Variants in TFDP2 observed in about 807,000 individuals in gnomAD.
The protein encoded by TFDP2 is transcription factor Dp-2 (E2F dimerization partner 2).
Under a neutral mutation model 59.3 loss-of-function variants are expected in TFDP2, and 17 were observed. That is an observed-to-expected ratio of 0.29 (90% confidence interval 0.20 to 0.43). The LOEUF is 0.43. Among genes scored for constraint, TFDP2 ranks in the 20% least tolerant of loss-of-function variants. The pLI is 1.00. For synonymous variants in TFDP2, 180 were observed against 194.7 expected (o/e 0.92, Z 0.63); for missense variants, 391 against 528.8 (o/e 0.74, Z 2.56).
chr3:142,133,623 A>ACAT (rs2062597680), intron 1 of TFDP2, among the ~76,000 whole-genome samples: 1 of 140,646 alleles, frequency 7.1e-6, no homozygotes, highest in African/African-American at 3.2e-5. Flanking sequence ...TCAGCCTCCT[A>ACAT]GGTATCTGGG....
chr3:141,978,496 A>G (rs754476111), intron 7 of TFDP2, 24 bp downstream of exon 7: 5 of 1,595,624 alleles, frequency 3.1e-6, no homozygotes, highest in Non-Finnish European at 3.4e-6. Flanking sequence ...ATCAAAATCA[A>G]TGTCAGGTTC....
At position 141,945,643 on chromosome 3, in the gene TFDP2, A is replaced by G. The variant is rs1159496179; in HGVS notation, c.*6870T>C. The G allele has an allele frequency of 2.6e-5, 4 of 152,244 alleles. No homozygotes were observed. The highest frequency in any genetic ancestry group is 5.9e-5 in the Non-Finnish European group (4 of 68,050). 9.4% of individuals were successfully genotyped at this position (152,244 alleles called of 1,614,324 possible). On this transcript the variant is annotated 3_prime_UTR_variant, in exon 13 of 13. Coordinates refer to ENST00000489671, the MANE Select transcript of TFDP2 (RefSeq NM_001178139.2). ...TGCAACAAGCCCAGAGGAGCTATTC[A>G]GGAGAAAAGTAGCCCCATTGTCAGT... is the stretch of plus-strand genomic sequence containing the variant.
At chr3:142,111,738 G>A (rs1200605119) in intron 1 of TFDP2, among the ~76,000 whole-genome samples, 2 of 152,032 alleles carry the variant, frequency 1.3e-5, no homozygotes, top group African/African-American at 2.4e-5. Flanking sequence ...GAGGTAGGAA[G>A]CCAGACCATG....
In TFDP2 at chr3:141,970,190, A is replaced by G. The variant is rs188186521; in HGVS notation, c.664-49T>C. 2.5e-4 allele frequency: 386 copies of G among 1,563,660 alleles called. No homozygotes were observed. The African/African-American group carries it at 4.7e-3, about 19-fold the overall frequency. Reference sequence around the variant, plus strand: ...AATATGAACATAGGTAGACTATAAAATATCGTTCACTTTCCAGGTCCCTAT... The same window carrying G: ...AATATGAACATAGGTAGACTATAAAGTATCGTTCACTTTCCAGGTCCCTAT... On this transcript the variant is annotated intron_variant, in intron 8 of 12. Transcript: ENST00000489671.
At chr3:141,974,864 C>A (rs1159712260) in intron 7 of TFDP2, among the ~76,000 whole-genome samples, 2 of 149,188 alleles carry the variant, frequency 1.3e-5, no homozygotes, top group Non-Finnish European at 3.0e-5. Flanking sequence ...CTCTATATGA[C>A]AAGGGACACT....
Position 141,947,650 on chromosome 3 carries a change from T to C in TFDP2, c.*4863A>G, listed in dbSNP as rs1371361290. ...GGAAAGTAGTGAATCTTTGTGACAA[T>C]CTTCTCTTGGTTTACAGAAATTGCT... On this transcript the variant is annotated 3_prime_UTR_variant, in exon 13 of 13. Coordinates refer to ENST00000489671, the MANE Select transcript of TFDP2 (RefSeq NM_001178139.2). 4 of 152,320 alleles carry C rather than the reference T, an allele frequency of 2.6e-5. No individual in the cohort carries two copies. The highest frequency in any genetic ancestry group is 7.2e-5 in the African/African-American group (3 of 41,572). The allele number at this position is 152,320 out of a possible 1,614,324, so 9.4% of individuals were successfully genotyped here.
intron 4 of TFDP2, among the ~76,000 whole-genome samples, chr3:141,997,760 C>G (rs6440056): frequency 1 from 150,605 of 151,052 alleles, 75,080 homozygotes; most frequent in East Asian, 1. Context: ...TGAGGCAGGA[C>G]AATCACTTGA....
chr3:142,074,226 T>C (rs954457456), intron 3 of TFDP2, among the ~76,000 whole-genome samples: 1 of 150,500 alleles, frequency 6.6e-6, no homozygotes, highest in Admixed American at 6.6e-5. Context: ...CTGGCCAACA[T>C]GGTAAAACCC....
At chr3:141,958,542 G>A (rs1399397029) in intron 11 of TFDP2, among the ~76,000 whole-genome samples, 1 of 152,120 alleles carries the variant, frequency 6.6e-6, no homozygotes, top group Non-Finnish European at 1.5e-5. Flanking sequence ...TTTGAGGGGT[G>A]GGAAAGGGCA....
chr3:142,100,094 C>A (rs1420874473), intron 2 of TFDP2, among the ~76,000 whole-genome samples: 1 of 152,168 alleles, frequency 6.6e-6, no homozygotes, highest in Non-Finnish European at 1.5e-5. Context: ...CCAAAATAAG[C>A]AAACAGACAT....
chr3:142,058,744 G>A (rs1296025824), intron 3 of TFDP2, among the ~76,000 whole-genome samples: 3 of 152,068 alleles, frequency 2.0e-5, no homozygotes, highest in South Asian at 2.1e-4. Context: ...CTCCAAGCAC[G>A]CCACCCTCCC....
intron 6 of TFDP2, among the ~76,000 whole-genome samples, chr3:141,991,236 A>T (rs938359220): frequency 6.6e-6 from 1 of 152,192 alleles, no homozygotes; most frequent in Non-Finnish European, 1.5e-5. Context: ...CATTTTCCCA[A>T]TAAATTTTTT....
chr3:141,978,783 C>T (rs1301436350), intron 6 of TFDP2, 101 bp from the exon 7 acceptor site: 1 of 887,116 alleles, frequency 1.1e-6, no homozygotes, highest in Non-Finnish European at 1.6e-6. Flanking sequence ...TTAAGTTTTA[C>T]TTCAAGTGTC....
chr3:142,099,382 C>T (rs191342642), intron 2 of TFDP2, among the ~76,000 whole-genome samples: 1 of 152,136 alleles, frequency 6.6e-6, no homozygotes, highest in African/African-American at 2.4e-5. Context: ...CACATGTAGT[C>T]CCATTGCTTT....
chr3:141,997,091 A>G (rs1326193781), intron 4 of TFDP2, among the ~76,000 whole-genome samples: 1 of 152,150 alleles, frequency 6.6e-6, no homozygotes, highest in African/African-American at 2.4e-5. Flanking sequence ...CTTTCAGTGC[A>G]TCCCCCATTT....
intron 3 of TFDP2, among the ~76,000 whole-genome samples, chr3:142,081,648 T>C (rs954787118): frequency 3.3e-5 from 5 of 152,068 alleles, no homozygotes; most frequent in Admixed American, 2.0e-4. Context: ...AAAGGAGACA[T>C]TAAAATTGAT....
At chr3:141,983,534 A>AG (rs1334383677) in intron 6 of TFDP2, among the ~76,000 whole-genome samples, 1 of 151,466 alleles carries the variant, frequency 6.6e-6, no homozygotes, top group East Asian at 1.9e-4. Context: ...GCTACTTGGG[A>AG]GGCTGAGGCA....
intron 3 of TFDP2, among the ~76,000 whole-genome samples, chr3:142,042,216 C>A (rs1342286881): frequency 6.6e-6 from 1 of 152,022 alleles, no homozygotes; most frequent in Admixed American, 6.6e-5. Flanking sequence ...ATGTTCACTG[C>A]TCTTCAACAC....
chr3:142,040,170 C>A (rs1384273567), intron 3 of TFDP2, among the ~76,000 whole-genome samples: 1 of 152,014 alleles, frequency 6.6e-6, no homozygotes, highest in African/African-American at 2.4e-5. Flanking sequence ...ATAAAGCTAT[C>A]AACAGAACGA....
Sources: gnomAD v4.1 joint callset for allele counts (sites outside exome capture counted in the v4.1 genomes callset) on GRCh38, gnomAD v4.1.1 for gene constraint, MANE v1.5 for transcripts, NCBI Gene and HGNC (gene_info 2026-07-23, HGNC 2026-07-21) for gene names.